Variants in NBAS observed in about 807,000 individuals in gnomAD.
The protein encoded by NBAS is NBAS subunit of NRZ tethering complex.
NBAS carries 219 observed loss-of-function variants against 302.5 expected under a neutral mutation model. The ratio of observed to expected loss-of-function variants is 0.72; its 90% CI spans 0.65 to 0.81. The LOEUF (loss-of-function observed/expected upper bound fraction) is 0.81, where lower values mean the gene tolerates loss of function less well. Among genes scored for constraint, NBAS ranks in the 30% least tolerant of loss-of-function variants. NBAS has a pLI of 0.00. For synonymous variants in NBAS, 1,118 were observed against 1,021.6 expected (o/e 1.09, Z -1.80); for missense variants, 2,932 against 2,841.6 (o/e 1.03, Z -0.72).
chr2:15,325,834 T>G (rs565337810), intron 38 of NBAS, among the ~76,000 whole-genome samples: 106 of 152,344 alleles, frequency 7.0e-4, no homozygotes, highest in African/African-American at 2.5e-3. Context: ...TTTCTCAGCT[T>G]TCAACACACC....
the NBAS span, among the ~76,000 whole-genome samples, chr2:15,116,511 A>G: frequency 2.6e-5 from 4 of 152,088 alleles, no homozygotes; most frequent in Non-Finnish European, 5.9e-5. Context: ...TTATGACCTT[A>G]TTTGACCTTA....
chr2:15,517,345 G>A (rs1340721870), intron 9 of NBAS, among the ~76,000 whole-genome samples: 2 of 151,912 alleles, frequency 1.3e-5, no homozygotes, highest in Non-Finnish European at 2.9e-5. Flanking sequence ...TAAAAGGGAT[G>A]GACAAATAAC....
the NBAS span, among the ~76,000 whole-genome samples, chr2:15,055,016 G>C: frequency 2.2e-4 from 34 of 152,164 alleles, no homozygotes; most frequent in African/African-American, 8.2e-4. Flanking sequence ...CTGTTTAACT[G>C]AGATACAGCT....
At chr2:15,458,107 G>A (rs1372770926) in intron 21 of NBAS, among the ~76,000 whole-genome samples, 2 of 152,156 alleles carry the variant, frequency 1.3e-5, no homozygotes, top group African/African-American at 4.8e-5. Context: ...GGAAGAGATG[G>A]TCTCTGTCTT....
At chr2:15,143,004 A>T in the NBAS span, among the ~76,000 whole-genome samples, 1 of 152,184 alleles carries the variant, frequency 6.6e-6, no homozygotes, top group East Asian at 1.9e-4. Flanking sequence ...AAAAGAAACA[A>T]ACTGGTCCGT....
chr2:15,001,444 T>TA, the NBAS span, among the ~76,000 whole-genome samples: 1 of 152,128 alleles, frequency 6.6e-6, no homozygotes, highest in Non-Finnish European at 1.5e-5. Context: ...TATTAGGTGA[T>TA]AAAAAGATGA....
At chr2:14,803,996 G>A in the NBAS span, among the ~76,000 whole-genome samples, 2 of 152,126 alleles carry the variant, frequency 1.3e-5, no homozygotes, top group African/African-American at 4.8e-5. Context: ...ATTCTGATCT[G>A]TAATTCTCCA....
chr2:14,970,189 T>A, the NBAS span, among the ~76,000 whole-genome samples: 5 of 152,166 alleles, frequency 3.3e-5, no homozygotes, highest in Non-Finnish European at 7.3e-5. Flanking sequence ...GTCTTGCAAT[T>A]TCATATGCAC....
At chr2:14,978,082 G>A in the NBAS span, among the ~76,000 whole-genome samples, 4 of 152,120 alleles carry the variant, frequency 2.6e-5, no homozygotes, top group South Asian at 2.1e-4. Context: ...TCCATATCCT[G>A]TCTTGACTTA....
At chr2:14,920,267 G>A in the NBAS span, among the ~76,000 whole-genome samples, 9 of 152,132 alleles carry the variant, frequency 5.9e-5, no homozygotes, top group African/African-American at 2.2e-4. Flanking sequence ...TTTCTGGGCA[G>A]TAGGTCTCAA....
the NBAS span, among the ~76,000 whole-genome samples, chr2:14,956,187 T>C: frequency 6.6e-6 from 1 of 152,200 alleles, no homozygotes; most frequent in African/African-American, 2.4e-5. Flanking sequence ...TTCCAGTTCA[T>C]AACAAGTTTC....
the NBAS span, among the ~76,000 whole-genome samples, chr2:14,877,299 A>G: frequency 6.6e-6 from 1 of 152,138 alleles, no homozygotes; most frequent in East Asian, 1.9e-4. Context: ...CTTCTCTGTC[A>G]ATTAACTCTC....
rs543753465 is a variant in NBAS, at chr2:15,406,798, A to C, written c.2938-4497T>G. ...ATCTAACATATCGGAAAATGTTAAAACTCTTAATTAGAAAAGCACAAATTG... is the reference window on the plus strand; with the variant it reads ...ATCTAACATATCGGAAAATGTTAAACCTCTTAATTAGAAAAGCACAAATTG... On this transcript the variant is annotated intron_variant, in intron 25 of 51. Coordinates refer to ENST00000281513, the MANE Select transcript of NBAS (RefSeq NM_015909.4). 7.2e-5 allele frequency among the ~76,000 whole-genome samples: 11 copies of C among 152,318 alleles called. 1 individual carries two copies. In the South Asian group the frequency reaches 1.4e-3, roughly 20 times the overall value.
the NBAS span, among the ~76,000 whole-genome samples, chr2:14,888,786 G>C: frequency 6.6e-6 from 1 of 152,170 alleles, no homozygotes; most frequent in Admixed American, 6.5e-5. Context: ...CTGGCTGTCA[G>C]CTCCAAAGAG....
the NBAS span, among the ~76,000 whole-genome samples, chr2:15,134,305 T>C: frequency 1.3e-5 from 2 of 152,142 alleles, no homozygotes; most frequent in Non-Finnish European, 2.9e-5. Context: ...GTCTGCAACC[T>C]GGAGAAAGGC....
chr2:15,483,036 A>G (rs74368811), intron 12 of NBAS, among the ~76,000 whole-genome samples: 2,077 of 152,314 alleles, frequency 0.014, 34 homozygotes, highest in East Asian at 0.058. Flanking sequence ...TTTGTACAGA[A>G]AACCTATTAC....
chr2:14,851,765 G>A, the NBAS span, among the ~76,000 whole-genome samples: 2 of 65,708 alleles, frequency 3.0e-5, no homozygotes, highest in African/African-American at 2.0e-4. Flanking sequence ...GGGATGCAAG[G>A]CTGGTTCAAT....
the NBAS span, among the ~76,000 whole-genome samples, chr2:15,046,673 T>C: frequency 1.3e-5 from 2 of 152,220 alleles, no homozygotes; most frequent in African/African-American, 4.8e-5. Context: ...TAATTAGTTG[T>C]ACAGAAGAAG....
chr2:14,959,489 GCTCT>G, the NBAS span, among the ~76,000 whole-genome samples: 1 of 152,088 alleles, frequency 6.6e-6, no homozygotes, highest in African/African-American at 2.4e-5. Flanking sequence ...TGTGATCAAG[GCTCT>G]CTCTTTCTTA....
Sources: allele counts gnomAD v4.1 joint callset (sites outside exome capture counted in the v4.1 genomes callset), GRCh38; gene constraint gnomAD v4.1.1; transcripts MANE v1.5; gene names NCBI Gene and HGNC (gene_info 2026-07-23, HGNC 2026-07-21).